The following ITPRID2 variants were observed in gnomAD, a reference collection of about 807,000 sequenced individuals.
The protein encoded by ITPRID2 is ITPR interacting domain containing 2.
ITPRID2 carries 60 observed loss-of-function variants against 124.3 expected under a neutral mutation model. The observed-to-expected ratio is 0.48, with a 90% CI of 0.39 to 0.60. The LOEUF is 0.60. Among genes scored for constraint, ITPRID2 ranks in the 20% least tolerant of loss-of-function variants. The pLI is 0.00. For synonymous variants in ITPRID2, 521 were observed against 542.9 expected (o/e 0.96, Z 0.56); for missense variants, 1,553 against 1,512.2 (o/e 1.03, Z -0.45).
rs905347917 is a variant in ITPRID2, at chr2:181,892,705, G to A, written c.257+45G>A. 6.2e-7 allele frequency: 1 copy of A among 1,611,512 alleles called. No homozygotes were observed. The highest frequency in any genetic ancestry group is 8.5e-7 in the Non-Finnish European group (1 of 1,178,102). ...CCCGCGTCCCGGGGGAGATCCGTGC[G>A]GACGGGACGCCGGAGCAGAGCCACT... On this transcript the variant is annotated intron_variant, in intron 2 of 17. Coordinates refer to ENST00000431877, the MANE Select transcript of ITPRID2 (RefSeq NM_001130445.3). The surrounding 1 kb of genome is among the most constrained non-coding windows in gnomAD (Gnocchi z 5.2).
intron 9 of ITPRID2, among the ~76,000 whole-genome samples, chr2:181,911,269 GAA>G (rs2125088637): frequency 6.6e-6 from 1 of 152,278 alleles, no homozygotes; most frequent in East Asian, 1.9e-4. Flanking sequence ...TGTAGAGTTA[GAA>G]ACACTCGTAA....
chr2:181,894,586 T>C (rs1692030920), intron 2 of ITPRID2: 2 of 152,210 alleles, frequency 1.3e-5, no homozygotes, highest in South Asian at 4.1e-4. Context: ...TTGTTTATTA[T>C]GTACAAATGA....
At position 181,916,059 on chromosome 2, in the gene ITPRID2, G is replaced by T. The variant is rs1252578335; in HGVS notation, c.2419G>T (p.Val807Leu). 1 of 1,614,072 alleles carries T rather than the reference G, an allele frequency of 6.2e-7. No individual in the cohort carries two copies. Among genetic ancestry groups the T allele is most frequent in the Non-Finnish European group, 8.5e-7 (1 of 1,180,052 alleles). The change falls in exon 11 of 18, where the codon GTG (valine) becomes TTG (leucine). Residue 807 changes from valine (V) to leucine (L), a missense_variant. Coordinates refer to ENST00000431877, the MANE Select transcript of ITPRID2 (RefSeq NM_001130445.3). ...GACCATTTTCATCTCTCCATCATCTGTGAAGAAAGAAGAAGCCCCCCAGAG... is the reference window on the plus strand; with the variant it reads ...GACCATTTTCATCTCTCCATCATCTTTGAAGAAAGAAGAAGCCCCCCAGAG... ...KSTIFISPSS[V>L]KKEEAPQSEA...
intron 16 of ITPRID2, among the ~76,000 whole-genome samples, chr2:181,924,179 T>C (rs185836359): frequency 6.6e-6 from 1 of 152,290 alleles, no homozygotes; most frequent in East Asian, 1.9e-4. Context: ...AAAATATGTA[T>C]AGATCAAACA....
intron 17 of ITPRID2, among the ~76,000 whole-genome samples, chr2:181,928,489 T>C (rs555417992): frequency 2.3e-3 from 353 of 152,356 alleles, no homozygotes; most frequent in African/African-American, 4.3e-3. Flanking sequence ...GAATTACTTA[T>C]ATTGGGTCAT....
chr2:181,924,933 G>A (rs1694737581), intron 16 of ITPRID2, among the ~76,000 whole-genome samples: 1 of 152,194 alleles, frequency 6.6e-6, no homozygotes, highest in African/African-American at 2.4e-5. Context: ...CTTTAAAAAT[G>A]TATAAATGTG....
At chr2:181,894,384 A>G (rs1692016960) in intron 2 of ITPRID2, 3 of 152,166 alleles carry the variant, frequency 2.0e-5, no homozygotes, top group African/African-American at 7.2e-5. Context: ...TCTCTCATGG[A>G]TTACCTTCTT....
Position 181,896,787 on chromosome 2 carries a change from C to A in ITPRID2, c.308-121C>A. 1.3e-6 allele frequency: 1 copy of A among 752,170 alleles called. No homozygotes were observed. The highest frequency in any genetic ancestry group is 2.3e-6 in the Non-Finnish European group (1 of 430,128). The allele number at this position is 752,170 out of a possible 1,614,324, so 46.6% of individuals were successfully genotyped here. On this transcript the variant is annotated intron_variant, in intron 3 of 17. Coordinates refer to ENST00000431877, the MANE Select transcript of ITPRID2 (RefSeq NM_001130445.3). The surrounding 1 kb of genome is among the most constrained non-coding windows in gnomAD (Gnocchi z 4.3). Reference sequence around the variant, plus strand: ...AATCAGAATAATGTCTGAGTACATTCAAGTCTGAAAGATTTTACTGTATAA... The same window carrying A: ...AATCAGAATAATGTCTGAGTACATTAAAGTCTGAAAGATTTTACTGTATAA...
At chr2:181,917,107 T>C in intron 11 of ITPRID2, 2 of 752,070 alleles carry the variant, frequency 2.7e-6, no homozygotes, top group Non-Finnish European at 1.6e-6. Context: ...CAAAAAAATT[T>C]TGAAAATAAG....
rs1694251815 is a variant in ITPRID2 at position 181,918,589 on chromosome 2, T to G, written c.2788-9T>G. The stretch of plus-strand genomic sequence containing the variant: ...CATTGGTTTTAATCCTACTTTTACT[T>G]TTTTGAAGTACCCTATGATGAGAGG... On this transcript the variant is annotated splice_polypyrimidine_tract_variant and intron_variant, in intron 11 of 17. Transcript: ENST00000431877. The G allele has an allele frequency of 2.5e-6, 4 of 1,613,282 alleles. No individual in the cohort carries two copies. Among genetic ancestry groups the G allele is most frequent in the Non-Finnish European group, 3.4e-6 (4 of 1,179,700 alleles).
chr2:181,900,609 A>G, intron 6 of ITPRID2, 87 bp from the exon 7 acceptor site: 1 of 897,866 alleles, frequency 1.1e-6, no homozygotes, highest in Non-Finnish European at 1.7e-6. Flanking sequence ...ACAGGAAATC[A>G]GTAATATGTA....
chr2:181,914,234 C>T (rs1209457759), intron 10 of ITPRID2, among the ~76,000 whole-genome samples: 1 of 151,694 alleles, frequency 6.6e-6, no homozygotes, highest in African/African-American at 2.4e-5. Flanking sequence ...TTTTTTTAAC[C>T]ATCATTATAT....
chr2:181,921,034 A>G (rs1694439835), intron 15 of ITPRID2, among the ~76,000 whole-genome samples: 1 of 152,198 alleles, frequency 6.6e-6, no homozygotes, highest in Non-Finnish European at 1.5e-5. Flanking sequence ...AAATTTAAAA[A>G]TCAGCCAGGC....
At chr2:181,901,105 C>T (rs1400017307) in intron 7 of ITPRID2, among the ~76,000 whole-genome samples, 1 of 152,082 alleles carries the variant, frequency 6.6e-6, no homozygotes, top group Non-Finnish European at 1.5e-5. Flanking sequence ...TTTTCCCCTC[C>T]TCCCCAATTC....
intron 7 of ITPRID2, 114 bp downstream of exon 7, chr2:181,901,018 G>A: frequency 1.2e-6 from 1 of 821,572 alleles, no homozygotes; most frequent in African/African-American, 1.8e-5. Context: ...TAAAGAGATT[G>A]ATTAACGCAA....
chr2:181,929,349 T>A (rs1403469729), intron 17 of ITPRID2, among the ~76,000 whole-genome samples: 1 of 152,096 alleles, frequency 6.6e-6, no homozygotes, highest in Non-Finnish European at 1.5e-5. Context: ...GGAAAGTATT[T>A]TAATAAATTA....
In ITPRID2 at chr2:181,892,143, C is replaced by T. The variant is rs1367548866; in HGVS notation, c.77C>T (p.Ala26Val). 1.3e-6 allele frequency: 2 copies of T among 1,558,246 alleles called. No individual in the cohort carries two copies. The highest frequency in any genetic ancestry group is 1.7e-6 in the Non-Finnish European group (2 of 1,151,474). Reference protein sequence around the residue: ...EWQVASRRRKAWAKCRSSWQA... With the variant: ...EWQVASRRRKVWAKCRSSWQA... ...CAAGTGGCGAGTCGCAGGAGGAAGG[C>T]CTGGGCCAAGTGCCGCAGCTCCTGG... The change falls in exon 1 of 18, where the codon GCC becomes GTC. Residue 26 changes from alanine to valine, a missense_variant. Transcript: ENST00000431877. This position sits in a 1 kb window ranked among gnomAD's most constrained non-coding sequence, Gnocchi z 5.2.
chr2:181,911,230 C>T (rs1693579306), intron 9 of ITPRID2, among the ~76,000 whole-genome samples: 3 of 152,140 alleles, frequency 2.0e-5, no homozygotes, highest in Non-Finnish European at 4.4e-5. Flanking sequence ...ATCCTATATC[C>T]TATGTAAGTA....
chr2:181,928,117 C>T (rs1694995555), intron 16 of ITPRID2, 44 bp from the exon 17 acceptor site: 4 of 1,279,420 alleles, frequency 3.1e-6, no homozygotes, highest in Non-Finnish European at 4.3e-6. Flanking sequence ...AAATGAATTC[C>T]ATTCATATTG....
Sources: gnomAD v4.1 joint callset for allele counts (sites outside exome capture counted in the v4.1 genomes callset) on GRCh38, gnomAD v4.1.1 for gene constraint, Gnocchi (gnomAD v3.1) non-coding constraint, MANE v1.5 for transcripts, NCBI Gene and HGNC (gene_info 2026-07-23, HGNC 2026-07-21) for gene names.